Variants in SCARB2 observed in about 807,000 individuals in gnomAD.
SCARB2 encodes the protein lysosome membrane protein 2.
SCARB2 carries 29 observed loss-of-function variants against 58.6 expected under a neutral mutation model. The observed-to-expected ratio is 0.49, with a 90% confidence interval of 0.37 to 0.67. The LOEUF is 0.67. SCARB2 is among the 30% of genes least tolerant of loss of function. The probability of loss-of-function intolerance (pLI) is 0.00; values close to 1 mark genes in which losing one functional copy is unlikely to be tolerated. For synonymous variants in SCARB2, 195 were observed against 210.1 expected (o/e 0.93, Z 0.62); for missense variants, 488 against 578.5 (o/e 0.84, Z 1.60).
Position 76,161,022 on chromosome 4 carries a change from A to G in SCARB2, c.*691T>C, listed in dbSNP as rs942514938. On this transcript the variant is annotated 3_prime_UTR_variant, in exon 12 of 12. Transcript: ENST00000264896. ...TTATTTATGCATTCTCTTCGTTCACAAAAGTACAAGTTAAAAATCCTTAGG... is the reference window on the plus strand; with the variant it reads ...TTATTTATGCATTCTCTTCGTTCACGAAAGTACAAGTTAAAAATCCTTAGG... 1 of 152,646 alleles carries G rather than the reference A, an allele frequency of 6.6e-6. No individual in the cohort carries two copies. Among genetic ancestry groups the G allele is most frequent in the Non-Finnish European group, 1.5e-5 (1 of 68,254 alleles). The allele number at this position is 152,646 out of a possible 1,614,324, so 9.5% of individuals were successfully genotyped here.
Position 76,160,127 on chromosome 4 carries a change from A to C in SCARB2, c.*1586T>G, listed in dbSNP as rs1415422824. The C allele has an allele frequency of 1.3e-5, 2 of 152,214 alleles. No homozygotes were observed. The highest frequency in any genetic ancestry group is 2.9e-5 in the Non-Finnish European group (2 of 68,032). The allele number at this position is 152,214 out of a possible 1,614,324, so 9.4% of individuals were successfully genotyped here. A position where few individuals can be genotyped will look rare whatever the true frequency, so the allele number is the denominator to read the frequency against. ...CTCTTCAAGAGGGGAAATATATCACATATTGTTTTAGTGTAGAAAAAGGAA... is the reference window on the plus strand; with the variant it reads ...CTCTTCAAGAGGGGAAATATATCACCTATTGTTTTAGTGTAGAAAAAGGAA... On this transcript the variant is annotated 3_prime_UTR_variant, in exon 12 of 12. Coordinates refer to ENST00000264896, the MANE Select transcript of SCARB2 (RefSeq NM_005506.4).
intron 11 of SCARB2, chr4:76,162,346 A>G (rs915838243): frequency 6.5e-6 from 1 of 153,480 alleles, no homozygotes; most frequent in African/African-American, 2.4e-5. Context: ...GGTTTCACGT[A>G]TTTATTTTCT....
At chr4:76,209,473 A>T (rs746465004) in intron 1 of SCARB2, among the ~76,000 whole-genome samples, 1 of 152,034 alleles carries the variant, frequency 6.6e-6, no homozygotes, top group Non-Finnish European at 1.5e-5. Context: ...GATTCAAGCG[A>T]TTCTCCTGCC....
chr4:76,169,638 T>C lies in SCARB2; in HGVS notation c.1113+229A>G, dbSNP rs138808240. On this transcript the variant is annotated intron_variant, in intron 8 of 11. Transcript: ENST00000264896. ...TAACTGAGTTTTCACTGTTGCTTTT[T>C]GTTAAAGGCAGGTTTGCTCGTATTT... is the stretch of plus-strand genomic sequence containing the variant. 5.0e-4 allele frequency among the ~76,000 whole-genome samples: 76 copies of C among 152,326 alleles called. 1 individual carries two copies. Among genetic ancestry groups the C allele is most frequent in the African/African-American group, 1.8e-3 (74 of 41,596 alleles).
intron 2 of SCARB2, among the ~76,000 whole-genome samples, chr4:76,185,738 T>C (rs975406358): frequency 4.6e-5 from 7 of 152,242 alleles, no homozygotes; most frequent in Non-Finnish European, 1.0e-4. Flanking sequence ...TTCAGTCATA[T>C]TGGTTCCTTC....
chr4:76,195,930 C>T (rs1368192576), intron 1 of SCARB2, 66 bp from the exon 2 acceptor site: 1 of 1,290,770 alleles, frequency 7.7e-7, no homozygotes, highest in Non-Finnish European at 1.1e-6. Flanking sequence ...ACCCAAGAAG[C>T]AGAGGAAGGG....
rs114302114 is a variant in SCARB2, at chr4:76,198,873, T to C, written c.118-3009A>G. 3.6e-3 allele frequency among the ~76,000 whole-genome samples: 538 copies of C among 150,398 alleles called. 3 individuals are homozygous for C. The highest frequency in any genetic ancestry group is 0.01 in the African/African-American group (413 of 40,984). On this transcript the variant is annotated intron_variant, in intron 1 of 11. Coordinates refer to ENST00000264896, the MANE Select transcript of SCARB2 (RefSeq NM_005506.4). ...GTGTGTGTGTGTGTGTGTGTGTGTG[T>C]GCTCATGCGAATGCACTAAGTAGGA...
At chr4:76,185,554 C>A (rs1732467476) in intron 2 of SCARB2, among the ~76,000 whole-genome samples, 1 of 152,114 alleles carries the variant, frequency 6.6e-6, no homozygotes, top group African/African-American at 2.4e-5. Context: ...TTTAATCAGG[C>A]AGGAAAATTC....
chr4:76,196,108 A>G (rs1482474161), intron 1 of SCARB2, among the ~76,000 whole-genome samples: 1 of 152,262 alleles, frequency 6.6e-6, no homozygotes, highest in African/African-American at 2.4e-5. Flanking sequence ...CCAGTGGCCC[A>G]ACACTCTGGG....
chr4:76,227,932 G>T (rs1733426650), intron 1 of SCARB2, among the ~76,000 whole-genome samples: 1 of 152,136 alleles, frequency 6.6e-6, no homozygotes, highest in Admixed American at 6.6e-5. Context: ...TATGCATTAG[G>T]TGAGTCTCTT....
At chr4:76,230,639 G>A (rs1733476325) in intron 1 of SCARB2, among the ~76,000 whole-genome samples, 2 of 152,120 alleles carry the variant, frequency 1.3e-5, no homozygotes, top group Admixed American at 6.5e-5. Context: ...GATATCTGGG[G>A]TATGTGAGAG....
intron 1 of SCARB2, among the ~76,000 whole-genome samples, chr4:76,201,766 C>G (rs761748340): frequency 5.3e-5 from 8 of 152,182 alleles, no homozygotes; most frequent in Non-Finnish European, 1.0e-4. Flanking sequence ...GCCAAAGGCA[C>G]ACAAACATTA....
intron 1 of SCARB2, among the ~76,000 whole-genome samples, chr4:76,198,841 AGTGTGTGTGT>A (rs10545527): frequency 2.1e-5 from 3 of 141,010 alleles, no homozygotes; most frequent in East Asian, 2.0e-4. Context: ...AGAGTGAGTG[AGTGTGTGTGT>A]GTGTGTGTGT....
At chr4:76,213,041 C>A in intron 1 of SCARB2, 1 of 292,516 alleles carries the variant, frequency 3.4e-6, no homozygotes, top group South Asian at 2.7e-5. Context: ...AGCAAGCAGA[C>A]AACATAACCT....
chr4:76,174,104 T>C lies in SCARB2; in HGVS notation c.994+40A>G, dbSNP rs200948493. On this transcript the variant is annotated intron_variant, in intron 7 of 11. Transcript: ENST00000264896. ...TTTGTTGAACTCCAATCCTTCTGCA[T>C]TCTTGACACCCCTATCATGTCCCCT... 5.9e-5 allele frequency: 95 copies of C among 1,611,530 alleles called. No homozygotes were observed. The African/African-American group carries it at 1.2e-3, about 21-fold the overall frequency.
At chr4:76,218,753 G>A (rs890007042), upstream of SCARB2, among the ~76,000 whole-genome samples, 4 of 152,130 alleles carry the variant, frequency 2.6e-5, no homozygotes, top group Middle Eastern at 3.2e-3. Flanking sequence ...AAACACAAGC[G>A]TAGTGTTGTC....
chr4:76,207,943 C>G (rs1041080221), intron 1 of SCARB2, among the ~76,000 whole-genome samples: 1 of 152,198 alleles, frequency 6.6e-6, no homozygotes, highest in Non-Finnish European at 1.5e-5. Flanking sequence ...TCTCCTCAGT[C>G]AGAATTACCA....
intron 2 of SCARB2, among the ~76,000 whole-genome samples, chr4:76,185,495 A>G (rs1732466553): frequency 6.6e-6 from 1 of 152,246 alleles, no homozygotes; most frequent in Admixed American, 6.5e-5. Flanking sequence ...GTGCATTACT[A>G]TGACGGTCCT....
chr4:76,185,465 C>T (rs1437864634), intron 2 of SCARB2, among the ~76,000 whole-genome samples: 1 of 152,222 alleles, frequency 6.6e-6, no homozygotes, highest in Non-Finnish European at 1.5e-5. Flanking sequence ...TAATGAATCT[C>T]AGACTATAGT....
Sources: gnomAD v4.1 joint callset for allele counts (sites outside exome capture counted in the v4.1 genomes callset) on GRCh38, gnomAD v4.1.1 for gene constraint, MANE v1.5 for transcripts, NCBI Gene and HGNC (gene_info 2026-07-23, HGNC 2026-07-21) for gene names.